Variants in ASB18 observed in about 807,000 individuals in gnomAD.
The protein encoded by ASB18 is ankyrin repeat and SOCS box protein 18.
ASB18 carries 33 observed loss-of-function variants against 33.4 expected under a neutral mutation model. The observed-to-expected ratio is 0.99, with a 90% CI of 0.75 to 1.32. ASB18 has a LOEUF of 1.32. Ranked by LOEUF, ASB18 falls within the 40% of genes most tolerant of loss-of-function variation. The pLI, the probability that ASB18 is intolerant of heterozygous loss-of-function variation, is 0.00. For missense variants in ASB18, 694 were observed against 655.5 expected, an observed-to-expected ratio of 1.06 and a Z score of -0.64; for synonymous variants, 295 against 307.6, an observed-to-expected ratio of 0.96 and a Z score of 0.43.
In ASB18 at chr2:236,196,165, C is replaced by A. The variant is rs1264155643; in HGVS notation, c.1215+107G>T. 2.8e-6 allele frequency: 2 copies of A among 721,182 alleles called. No individual in the cohort carries two copies. Among genetic ancestry groups the A allele is most frequent in the South Asian group, 3.0e-5 (2 of 66,682 alleles). 44.7% of individuals were successfully genotyped at this position (721,182 alleles called of 1,614,324 possible). A position where few individuals can be genotyped will look rare whatever the true frequency, so the allele number is the denominator to read the frequency against. On this transcript the variant is annotated intron_variant, in intron 5 of 5. Coordinates refer to ENST00000409749, the MANE Select transcript of ASB18 (RefSeq NM_212556.4). The surrounding 1 kb of genome is among the most constrained non-coding windows in gnomAD (Gnocchi z 5.6). ...CCCTCATTTCCCATTCTTCCTTTTTCAGATGTATAATACTTAGCCGAATAT... is the reference window on the plus strand; with the variant it reads ...CCCTCATTTCCCATTCTTCCTTTTTAAGATGTATAATACTTAGCCGAATAT...
At chr2:236,254,746 G>C (rs1320509647) in intron 1 of ASB18, among the ~76,000 whole-genome samples, 1 of 152,016 alleles carries the variant, frequency 6.6e-6, no homozygotes, top group African/African-American at 2.4e-5. Context: ...TCGTTGATGG[G>C]AACAAGACCA....
intron 1 of ASB18, among the ~76,000 whole-genome samples, chr2:236,258,729 T>C (rs2060704424): frequency 6.6e-6 from 1 of 152,174 alleles, no homozygotes; most frequent in Non-Finnish European, 1.5e-5. Context: ...TGTGTGCACA[T>C]GTCCGTGGTG....
Position 236,205,010 on chromosome 2 carries a change from TC to T in ASB18, c.1102-8626del, listed in dbSNP as rs2060426386. ...ATCCAGGGTCAGATCGCCTCCCTTG[TC>T]CACACCACCATCACCCCTCCTGTGA... On this transcript the variant is annotated intron_variant, in intron 4 of 5. Transcript: ENST00000409749. The surrounding 1 kb of genome is among the most constrained non-coding windows in gnomAD (Gnocchi z 5.4). Among the ~76,000 whole-genome samples, 1 of 152,210 alleles carries T rather than the reference TC, an allele frequency of 6.6e-6. No individual in the cohort carries two copies. Among genetic ancestry groups the T allele is most frequent in the Non-Finnish European group, 1.5e-5 (1 of 68,040 alleles).
At position 236,200,891 on chromosome 2, in the gene ASB18, T is replaced by C. The variant is rs971016856; in HGVS notation, c.1102-4506A>G. Among the ~76,000 whole-genome samples the C allele has an allele frequency of 6.6e-5, 10 of 152,226 alleles. No homozygotes were observed. The highest frequency in any genetic ancestry group is 2.4e-4 in the African/African-American group (10 of 41,460). ...TGTTGATCAGTTCTCTTTTAAAATA[T>C]TATAACCCATTAATTTTTGCCTTTA... On this transcript the variant is annotated intron_variant, in intron 4 of 5. Transcript: ENST00000409749. This position sits in a 1 kb window ranked among gnomAD's most constrained non-coding sequence, Gnocchi z 4.2.
chr2:236,223,914 C>T lies in ASB18; in HGVS notation c.597-9048G>A, dbSNP rs143292030. 6.6e-6 allele frequency among the ~76,000 whole-genome samples: 1 copy of T among 152,234 alleles called. No individual in the cohort carries two copies. The highest frequency in any genetic ancestry group is 1.9e-4 in the East Asian group (1 of 5,184). On this transcript the variant is annotated intron_variant, in intron 3 of 5. Coordinates refer to ENST00000409749, the MANE Select transcript of ASB18 (RefSeq NM_212556.4). The surrounding 1 kb of genome is among the most constrained non-coding windows in gnomAD (Gnocchi z 4.6). Reference sequence around the variant, plus strand: ...GTATGGATATACCACAATTTTAAGCCATTTTCCCATTGATATTGATGGACA... The same window carrying T: ...GTATGGATATACCACAATTTTAAGCTATTTTCCCATTGATATTGATGGACA...
intron 4 of ASB18, among the ~76,000 whole-genome samples, chr2:236,197,086 C>G (rs879313482): frequency 6.6e-6 from 1 of 151,534 alleles, no homozygotes; most frequent in Non-Finnish European, 1.5e-5. Flanking sequence ...CCCCCATCAA[C>G]CCATGGTTGA....
chr2:236,211,915 G>T lies in ASB18; in HGVS notation c.1101+2447C>A, dbSNP rs1402241060. The stretch of plus-strand genomic sequence containing the variant: ...GGGGGAATCCCAGTGCAAAAAGGTG[G>T]AATCCTTATTTCCAAAGATTTAATG... On this transcript the variant is annotated intron_variant, in intron 4 of 5. Coordinates refer to ENST00000409749, the MANE Select transcript of ASB18 (RefSeq NM_212556.4). The surrounding 1 kb of genome is among the most constrained non-coding windows in gnomAD (Gnocchi z 5.0). 6.6e-6 allele frequency among the ~76,000 whole-genome samples: 1 copy of T among 152,136 alleles called. No individual in the cohort carries two copies. Among genetic ancestry groups the T allele is most frequent in the Non-Finnish European group, 1.5e-5 (1 of 68,034 alleles).
At chr2:236,254,438 T>G (rs1214245594) in intron 1 of ASB18, among the ~76,000 whole-genome samples, 1 of 151,942 alleles carries the variant, frequency 6.6e-6, no homozygotes. Context: ...CTATCAACTC[T>G]GCCCTTCTTC....
Position 236,237,976 on chromosome 2 carries a change from A to T in ASB18, c.329-20T>A, listed in dbSNP as rs2060603593. ...AGAGGCCTGCGGGGAGGGAGGTGGG[A>T]TGTAAGGTCAGGGGGAGGTTAGTTG... On this transcript the variant is annotated intron_variant, in intron 2 of 5. Coordinates refer to ENST00000409749, the MANE Select transcript of ASB18 (RefSeq NM_212556.4). This position sits in a 1 kb window ranked among gnomAD's most constrained non-coding sequence, Gnocchi z 6.2. The T allele has an allele frequency of 1.1e-5, 16 of 1,479,082 alleles. No individual in the cohort carries two copies. Among genetic ancestry groups the T allele is most frequent in the Non-Finnish European group, 1.4e-5 (16 of 1,123,552 alleles). 91.6% of individuals were successfully genotyped at this position (1,479,082 alleles called of 1,614,324 possible).
In ASB18 at chr2:236,203,098, C is replaced by T. The variant is rs146606392; in HGVS notation, c.1102-6713G>A. On this transcript the variant is annotated intron_variant, in intron 4 of 5. Transcript: ENST00000409749. This position sits in a 1 kb window ranked among gnomAD's most constrained non-coding sequence, Gnocchi z 6.0. ...GCTCACCACCTGTCCTTTAAGCCAT[C>T]CCTTCTGTAGGTATTTGCCGAGCTC... 0.03 allele frequency among the ~76,000 whole-genome samples: 4,504 copies of T among 152,180 alleles called. 100 individuals are homozygous for T. Among genetic ancestry groups the T allele is most frequent in the Non-Finnish European group, 0.044 (3,021 of 68,016 alleles).
chr2:236,260,372 C>G lies in ASB18; in HGVS notation c.205+3769G>C, dbSNP rs1377815067. 6.6e-6 allele frequency among the ~76,000 whole-genome samples: 1 copy of G among 152,184 alleles called. No individual in the cohort carries two copies. Among genetic ancestry groups the G allele is most frequent in the African/African-American group, 2.4e-5 (1 of 41,430 alleles). Reference sequence around the variant, plus strand: ...ATTCCTTCCTCTTCACATTCCTCCTCTCAGGGATTTCGGTGTTTGACAGTG... The same window carrying G: ...ATTCCTTCCTCTTCACATTCCTCCTGTCAGGGATTTCGGTGTTTGACAGTG... On this transcript the variant is annotated intron_variant, in intron 1 of 5. Coordinates refer to ENST00000409749, the MANE Select transcript of ASB18 (RefSeq NM_212556.4). The surrounding 1 kb of genome is among the most constrained non-coding windows in gnomAD (Gnocchi z 5.1).
At chr2:236,232,817 T>C (rs546456827) in intron 3 of ASB18, among the ~76,000 whole-genome samples, 3 of 152,214 alleles carry the variant, frequency 2.0e-5, no homozygotes, top group Middle Eastern at 3.4e-3. Flanking sequence ...CAAAAAGACA[T>C]GTCCAGATAG....
chr2:236,236,180 C>T (rs2060588005), intron 3 of ASB18, among the ~76,000 whole-genome samples: 1 of 152,188 alleles, frequency 6.6e-6, no homozygotes, highest in Non-Finnish European at 1.5e-5. Context: ...GTGGTTCATC[C>T]ATACCACGGA....
rs2060468852 is a variant in ASB18, at chr2:236,213,607, CT to C, written c.1101+754del. Reference sequence around the variant, plus strand: ...CCAATATTTTGGAAACATTTTCAGTCTTTTGGGTTATTTTCTGAGGTGAGAA... The same window carrying C: ...CCAATATTTTGGAAACATTTTCAGTCTTTGGGTTATTTTCTGAGGTGAGAA... On this transcript the variant is annotated intron_variant, in intron 4 of 5. Transcript: ENST00000409749. The surrounding 1 kb of genome is among the most constrained non-coding windows in gnomAD (Gnocchi z 4.8). 1 of 152,140 alleles carries C rather than the reference CT, an allele frequency of 6.6e-6. No homozygotes were observed. The highest frequency in any genetic ancestry group is 2.4e-5 in the African/African-American group (1 of 41,418). 9.4% of individuals were successfully genotyped at this position (152,140 alleles called of 1,614,324 possible).
rs1031882252 is a variant in ASB18, at chr2:236,220,997, C to G, written c.597-6131G>C. Among the ~76,000 whole-genome samples, 12 of 152,176 alleles carry G rather than the reference C, an allele frequency of 7.9e-5. No individual in the cohort carries two copies. The highest frequency in any genetic ancestry group is 2.6e-4 in the Admixed American group (4 of 15,288). On this transcript the variant is annotated intron_variant, in intron 3 of 5. Transcript: ENST00000409749. The surrounding 1 kb of genome is among the most constrained non-coding windows in gnomAD (Gnocchi z 5.1). ...CTACGGGGTGGCACAGTAACCGGTT[C>G]TCACCCAGTCCTCCTAGCTACCTGG...
At position 236,209,232 on chromosome 2, in the gene ASB18, C is replaced by T. The variant is rs570916001; in HGVS notation, c.1101+5130G>A. Among the ~76,000 whole-genome samples the T allele has an allele frequency of 6.6e-6, 1 of 150,692 alleles. No individual in the cohort carries two copies. Among genetic ancestry groups the T allele is most frequent in the East Asian group, 1.9e-4 (1 of 5,136 alleles). On this transcript the variant is annotated intron_variant, in intron 4 of 5. Coordinates refer to ENST00000409749, the MANE Select transcript of ASB18 (RefSeq NM_212556.4). This position sits in a 1 kb window ranked among gnomAD's most constrained non-coding sequence, Gnocchi z 4.4. ...TTTCAGTATGGTTAGTGCCCAGAAG[C>T]TGAGACAAGACCAGAGATTTGCAGA...
chr2:236,241,135 C>T lies in ASB18; in HGVS notation c.328+145G>A, dbSNP rs756461337. Reference sequence around the variant, plus strand: ...ATCACCTAAAACCTACACTTTACTGCGAGCAAACTTCATCAGATGTCCTTT... The same window carrying T: ...ATCACCTAAAACCTACACTTTACTGTGAGCAAACTTCATCAGATGTCCTTT... On this transcript the variant is annotated intron_variant, in intron 2 of 5. Transcript: ENST00000409749. This position sits in a 1 kb window ranked among gnomAD's most constrained non-coding sequence, Gnocchi z 4.2. 25 of 827,010 alleles carry T rather than the reference C, an allele frequency of 3.0e-5. No individual in the cohort carries two copies. Among genetic ancestry groups the T allele is most frequent in the Middle Eastern group, 3.7e-4 (1 of 2,728 alleles). 51.2% of individuals were successfully genotyped at this position (827,010 alleles called of 1,614,324 possible).
In ASB18 at chr2:236,196,527, C is replaced by A; in HGVS notation, c.1102-142G>T. On this transcript the variant is annotated intron_variant, in intron 4 of 5. Coordinates refer to ENST00000409749, the MANE Select transcript of ASB18 (RefSeq NM_212556.4). This position sits in a 1 kb window ranked among gnomAD's most constrained non-coding sequence, Gnocchi z 5.6. Reference sequence around the variant, plus strand: ...AGCCACACAGGGAACAGCAACAGAGCAGTACCACAGGGTTGCTGCAGGGAT... The same window carrying A: ...AGCCACACAGGGAACAGCAACAGAGAAGTACCACAGGGTTGCTGCAGGGAT... The A allele has an allele frequency of 1.6e-6, 1 of 623,666 alleles. No individual in the cohort carries two copies. The highest frequency in any genetic ancestry group is 2.9e-6 in the Non-Finnish European group (1 of 341,612). The allele number at this position is 623,666 out of a possible 1,614,324, so 38.6% of individuals were successfully genotyped here.
In ASB18 at chr2:236,213,939, T is replaced by C. The variant is rs1320265243; in HGVS notation, c.1101+423A>G. ...TTTGTTTCAGATCAAATGCCAGATGTGGCAAAAGACTGATTTTCATCGTTC... is the reference window on the plus strand; with the variant it reads ...TTTGTTTCAGATCAAATGCCAGATGCGGCAAAAGACTGATTTTCATCGTTC... On this transcript the variant is annotated intron_variant, in intron 4 of 5. Transcript: ENST00000409749. The surrounding 1 kb of genome is among the most constrained non-coding windows in gnomAD (Gnocchi z 4.8). 2 of 173,044 alleles carry C rather than the reference T, an allele frequency of 1.2e-5. No homozygotes were observed. Among genetic ancestry groups the C allele is most frequent in the Non-Finnish European group, 2.4e-5 (2 of 81,678 alleles). The allele number at this position is 173,044 out of a possible 1,614,324, so 10.7% of individuals were successfully genotyped here.
Sources: allele counts gnomAD v4.1 joint callset (sites outside exome capture counted in the v4.1 genomes callset), GRCh38; gene constraint gnomAD v4.1.1; non-coding constraint Gnocchi (gnomAD v3.1); transcripts MANE v1.5; gene names NCBI Gene and HGNC (gene_info 2026-07-23, HGNC 2026-07-21).